GOLIM4: variants seen among roughly 807,000 people sequenced by gnomAD.
The protein encoded by GOLIM4 is golgi integral membrane protein 4, also known as 130 kDa golgi-localized phosphoprotein.
A neutral mutation model predicts 107.4 loss-of-function variants in GOLIM4; 71 were observed. The ratio of observed to expected loss-of-function variants is 0.66; its 90% CI spans 0.55 to 0.81. The LOEUF (loss-of-function observed/expected upper bound fraction) is 0.81. Among genes scored for constraint, GOLIM4 ranks in the 30% least tolerant of loss-of-function variants. The pLI is 0.00. For synonymous variants in GOLIM4, 327 were observed against 294.8 expected (o/e 1.11, Z -1.12); for missense variants, 830 against 826.1 (o/e 1.00, Z -0.06).
intron 1 of GOLIM4, among the ~76,000 whole-genome samples, chr3:168,081,604 A>G (rs1721370455): frequency 1.3e-5 from 2 of 152,184 alleles, no homozygotes; most frequent in African/African-American, 2.4e-5. Context: ...TTAGGATTCA[A>G]GTAAACTGAG....
At chr3:168,070,694 G>A (rs1720789694) in intron 1 of GOLIM4, among the ~76,000 whole-genome samples, 1 of 152,088 alleles carries the variant, frequency 6.6e-6, no homozygotes, top group Non-Finnish European at 1.5e-5. Flanking sequence ...TTTTCATTAA[G>A]GTTATTAAAG....
intron 12 of GOLIM4, among the ~76,000 whole-genome samples, chr3:168,026,538 A>C (rs1375408075): frequency 1.3e-5 from 2 of 152,196 alleles, no homozygotes; most frequent in East Asian, 3.9e-4. Flanking sequence ...ACAAACAAAC[A>C]GATGACAGGA....
chr3:168,083,953 A>C (rs1323623606), intron 1 of GOLIM4, among the ~76,000 whole-genome samples: 1 of 152,202 alleles, frequency 6.6e-6, no homozygotes, highest in African/African-American at 2.4e-5. Flanking sequence ...TAGGTTATTA[A>C]AACACCTTCA....
At chr3:168,046,006 A>G (rs1001492449) in intron 3 of GOLIM4, among the ~76,000 whole-genome samples, 2 of 152,116 alleles carry the variant, frequency 1.3e-5, no homozygotes, top group African/African-American at 4.8e-5. Flanking sequence ...TCAGCTCTCA[A>G]GTAGCTGGGA....
At chr3:168,012,763 C>G (rs1444250882) in intron 14 of GOLIM4, among the ~76,000 whole-genome samples, 1 of 152,062 alleles carries the variant, frequency 6.6e-6, no homozygotes, top group African/African-American at 2.4e-5. Context: ...AAATTTTCAA[C>G]CCAGAATTTC....
At chr3:168,052,650 C>T (rs886295179) in intron 1 of GOLIM4, among the ~76,000 whole-genome samples, 3 of 152,164 alleles carry the variant, frequency 2.0e-5, no homozygotes, top group Non-Finnish European at 4.4e-5. Context: ...CACACACATA[C>T]GCACTACCTT....
intron 14 of GOLIM4, among the ~76,000 whole-genome samples, chr3:168,024,295 C>T: frequency 6.6e-6 from 1 of 152,216 alleles, no homozygotes; most frequent in Non-Finnish European, 1.5e-5. Flanking sequence ...TTCAAAATTT[C>T]AGGTGAGAAC....
intron 4 of GOLIM4, among the ~76,000 whole-genome samples, chr3:168,043,959 T>C (rs1719162290): frequency 6.6e-6 from 1 of 152,234 alleles, no homozygotes; most frequent in Non-Finnish European, 1.5e-5. Context: ...GGTAACTCAG[T>C]TTAAAAGAGA....
At position 168,043,331 on chromosome 3, in the gene GOLIM4, T is replaced by C; in HGVS notation, c.517+48A>G. 4 of 1,318,932 alleles carry C rather than the reference T, an allele frequency of 3.0e-6. No homozygotes were observed. The South Asian group carries it at 4.0e-5, about 13-fold the overall frequency. The allele number at this position is 1,318,932 out of a possible 1,614,324, so 81.7% of individuals were successfully genotyped here. A position where few individuals can be genotyped will look rare whatever the true frequency, so the allele number is the denominator to read the frequency against. On this transcript the variant is annotated intron_variant, in intron 5 of 15. Transcript: ENST00000470487. ...GTCTACAGTTGCACTGAAACATTAA[T>C]ATCAGTACTTATTTAGAGATAAACT...
chr3:168,029,343 T>C, intron 10 of GOLIM4, 41 bp from the exon 11 acceptor site: 2 of 1,263,014 alleles, frequency 1.6e-6, no homozygotes, highest in Non-Finnish European at 2.3e-6. Flanking sequence ...TGGGACAAAA[T>C]TCAGAGGCAC....
chr3:168,082,716 T>A (rs907372424), intron 1 of GOLIM4, among the ~76,000 whole-genome samples: 1 of 151,396 alleles, frequency 6.6e-6, no homozygotes, highest in African/African-American at 2.4e-5. Context: ...AGGGTGACGG[T>A]GTCAATATGA....
Position 168,095,495 on chromosome 3 carries a change from G to A in GOLIM4, c.-210C>T, listed in dbSNP as rs1722146828. ...AGCCATCGACGCCGCCCGGGCAGCT[G>A]CAGCCAAACTTCTGCGAGGCTCGTT... On this transcript the variant is annotated 5_prime_UTR_variant, in exon 1 of 16. Transcript: ENST00000470487. 1.9e-6 allele frequency: 1 copy of A among 522,260 alleles called. No individual in the cohort carries two copies. The highest frequency in any genetic ancestry group is 2.4e-5 in the South Asian group (1 of 41,024). The allele number at this position is 522,260 out of a possible 1,614,324, so 32.4% of individuals were successfully genotyped here.
At chr3:168,075,489 G>A (rs1227517346) in intron 1 of GOLIM4, among the ~76,000 whole-genome samples, 3 of 151,282 alleles carry the variant, frequency 2.0e-5, no homozygotes, top group Non-Finnish European at 4.4e-5. Flanking sequence ...TAGTAGAGAC[G>A]GGGTTTCACC....
intron 14 of GOLIM4, among the ~76,000 whole-genome samples, chr3:168,012,320 G>A (rs1269451306): frequency 6.0e-5 from 8 of 134,352 alleles, no homozygotes; most frequent in Non-Finnish European, 1.2e-4. Flanking sequence ...GAAATGAAGC[G>A]AGAAGAGAAG....
intron 1 of GOLIM4, among the ~76,000 whole-genome samples, chr3:168,050,121 T>A (rs1051342432): frequency 3.3e-5 from 5 of 152,266 alleles, no homozygotes; most frequent in East Asian, 1.9e-4. Context: ...CACCAGATGA[T>A]CCTTTCCCCC....
At chr3:168,067,990 T>A (rs1256079056) in intron 1 of GOLIM4, among the ~76,000 whole-genome samples, 1 of 152,148 alleles carries the variant, frequency 6.6e-6, no homozygotes, top group Non-Finnish European at 1.5e-5. Flanking sequence ...CAGAGTATAT[T>A]AATATTTTCT....
chr3:168,051,661 C>G (rs1335851760), intron 1 of GOLIM4, among the ~76,000 whole-genome samples: 2 of 152,092 alleles, frequency 1.3e-5, no homozygotes, highest in Non-Finnish European at 2.9e-5. Context: ...TATGTAGAAA[C>G]TATGAGGTAA....
chr3:168,016,465 A>C (rs1358115813), intron 14 of GOLIM4, among the ~76,000 whole-genome samples: 1 of 131,984 alleles, frequency 7.6e-6, no homozygotes, highest in Non-Finnish European at 1.5e-5. Context: ...TAGTTCAACC[A>C]TTGTGGAAGT....
intron 1 of GOLIM4, among the ~76,000 whole-genome samples, chr3:168,088,080 T>C (rs925254120): frequency 2.6e-5 from 4 of 152,096 alleles, no homozygotes; most frequent in Non-Finnish European, 5.9e-5. Flanking sequence ...CTGGCAAAAG[T>C]AGCAAAACCA....
Sources: gnomAD v4.1 joint callset for allele counts (sites outside exome capture counted in the v4.1 genomes callset) on GRCh38, gnomAD v4.1.1 for gene constraint, MANE v1.5 for transcripts, NCBI Gene and HGNC (gene_info 2026-07-23, HGNC 2026-07-21) for gene names.